Variants in PEMT observed in about 807,000 individuals in gnomAD.
PEMT encodes the protein phosphatidylethanolamine N-methyltransferase.
Under a neutral mutation model 27.4 loss-of-function variants are expected in PEMT, and 23 were observed. That is an observed-to-expected ratio of 0.84 (90% CI 0.60 to 1.19). The LOEUF (loss-of-function observed/expected upper bound fraction) is 1.19, where lower values mean the gene tolerates loss of function less well. PEMT is among the 50% of genes most tolerant of loss of function. The pLI is 0.00. For synonymous variants in PEMT, 137 were observed against 139.1 expected (o/e 0.98, Z 0.11); for missense variants, 307 against 310.1 (o/e 0.99, Z 0.07).
chr17:17,563,939 G>A (rs1910657948), intron 2 of PEMT, among the ~76,000 whole-genome samples: 1 of 152,206 alleles, frequency 6.6e-6, no homozygotes, highest in Non-Finnish European at 1.5e-5. Context: ...CAGGGCTTGT[G>A]AGGCCCTCAC....
intron 1 of PEMT, among the ~76,000 whole-genome samples, chr17:17,581,016 G>A (rs577529457): frequency 6.6e-6 from 1 of 152,322 alleles, no homozygotes; most frequent in Admixed American, 6.5e-5. Flanking sequence ...TAGGGGAAAG[G>A]GGAAAGCAGG....
At chr17:17,556,604 C>T (rs1182567274) in intron 2 of PEMT, among the ~76,000 whole-genome samples, 2 of 151,980 alleles carry the variant, frequency 1.3e-5, no homozygotes, top group Non-Finnish European at 2.9e-5. Context: ...AAACTCCTGA[C>T]CTCAGATGAT....
chr17:17,577,242 T>C (rs551754852), intron 1 of PEMT, among the ~76,000 whole-genome samples: 25 of 152,184 alleles, frequency 1.6e-4, no homozygotes, highest in African/African-American at 5.8e-4. Flanking sequence ...GCCGCAGAAA[T>C]GTGCCTGGAT....
At chr17:17,550,106 C>T (rs1567712727) in intron 2 of PEMT, among the ~76,000 whole-genome samples, 1 of 152,202 alleles carries the variant, frequency 6.6e-6, no homozygotes, top group Non-Finnish European at 1.5e-5. Context: ...CAGAGACTCT[C>T]TCTCCTCGCC....
At chr17:17,550,392 C>T (rs368499740) in intron 2 of PEMT, among the ~76,000 whole-genome samples, 12 of 152,256 alleles carry the variant, frequency 7.9e-5, no homozygotes, top group South Asian at 4.2e-4. Context: ...ACAGCTGGGA[C>T]GGAATTTGGG....
intron 3 of PEMT, among the ~76,000 whole-genome samples, chr17:17,514,107 A>C (rs141390328): frequency 6.6e-6 from 1 of 152,146 alleles, no homozygotes; most frequent in East Asian, 1.9e-4. Flanking sequence ...CCATCCATCC[A>C]CCATGAAGTA....
chr17:17,544,939 G>A (rs1909144992), intron 2 of PEMT, among the ~76,000 whole-genome samples: 1 of 152,218 alleles, frequency 6.6e-6, no homozygotes, highest in Non-Finnish European at 1.5e-5. Flanking sequence ...TGGAAGGAAG[G>A]AGAAAGGAGG....
intron 2 of PEMT, among the ~76,000 whole-genome samples, chr17:17,543,842 C>T (rs943062956): frequency 6.6e-6 from 1 of 152,164 alleles, no homozygotes; most frequent in Non-Finnish European, 1.5e-5. Flanking sequence ...GGATTACGGG[C>T]GTGAGCCACG....
intron 2 of PEMT, among the ~76,000 whole-genome samples, chr17:17,531,622 A>C (rs5819617): frequency 7.2e-5 from 2 of 27,798 alleles, no homozygotes; most frequent in East Asian, 5.5e-4. Flanking sequence ...TATCATATGC[A>C]AAAAAAAAAA....
At chr17:17,528,009 T>G (rs1180721323) in intron 2 of PEMT, among the ~76,000 whole-genome samples, 1 of 152,240 alleles carries the variant, frequency 6.6e-6, no homozygotes, top group Admixed American at 6.5e-5. Flanking sequence ...CCTAGGCACC[T>G]GGGGGTCTAG....
chr17:17,577,119 C>G, intron 1 of PEMT, 92 bp from the exon 2 acceptor site: 1 of 899,078 alleles, frequency 1.1e-6, no homozygotes, highest in Non-Finnish European at 1.8e-6. Flanking sequence ...TCTGGGAACA[C>G]ACTGGGAGGC....
At position 17,544,335 on chromosome 17, in the gene PEMT, C is replaced by T. The variant is rs540013170; in HGVS notation, c.205-21940G>A. On this transcript the variant is annotated intron_variant, in intron 2 of 6. Coordinates refer to ENST00000255389, the MANE Select transcript of PEMT (RefSeq NM_148172.3). ...TGCTCTTGTCGCCCAGGCTGGAGTG[C>T]AATGGTGTGATCTCGGCTCACTGCA... Among the ~76,000 whole-genome samples the T allele has an allele frequency of 4.6e-5, 7 of 150,836 alleles. No homozygotes were observed. In the South Asian group the frequency reaches 1.5e-3, roughly 32 times the overall value.
chr17:17,512,097 G>A lies in PEMT; in HGVS notation c.466+412C>T, dbSNP rs556784260. 1.3e-5 allele frequency among the ~76,000 whole-genome samples: 2 copies of A among 152,182 alleles called. No individual in the cohort carries two copies. Among genetic ancestry groups the A allele is most frequent in the East Asian group, 3.8e-4 (2 of 5,196 alleles). ...CTGAGAGCCACGCGTGCCGGGAGCT[G>A]CCAGAGAGGTGGCTGACTCACCACC... On this transcript the variant is annotated intron_variant, in intron 4 of 6. Transcript: ENST00000255389. The surrounding 1 kb of genome is among the most constrained non-coding windows in gnomAD (Gnocchi z 6.3).
intron 2 of PEMT, among the ~76,000 whole-genome samples, chr17:17,532,736 A>G (rs1345990725): frequency 6.6e-6 from 1 of 152,224 alleles, no homozygotes; most frequent in Admixed American, 6.5e-5. Context: ...CAAAAAACAA[A>G]AAACAAAAAG....
intron 1 of PEMT, among the ~76,000 whole-genome samples, chr17:17,586,253 AAAG>A (rs1464043298): frequency 8.8e-6 from 1 of 113,160 alleles, no homozygotes; most frequent in African/African-American, 4.0e-5. Context: ...AGAAAGAAAG[AAAG>A]AAAGAAAGAA....
At chr17:17,559,521 C>A (rs778503911) in intron 2 of PEMT, among the ~76,000 whole-genome samples, 1 of 152,224 alleles carries the variant, frequency 6.6e-6, no homozygotes, top group African/African-American at 2.4e-5. Flanking sequence ...GGGTCAGAGG[C>A]AGTCCAGCAC....
intron 2 of PEMT, among the ~76,000 whole-genome samples, chr17:17,535,867 A>T (rs1364105454): frequency 1.3e-5 from 2 of 152,228 alleles, no homozygotes. Context: ...AGGCAAATCC[A>T]GGCTTCACTG....
intron 2 of PEMT, among the ~76,000 whole-genome samples, chr17:17,576,335 A>C (rs1911586179): frequency 6.6e-6 from 1 of 152,130 alleles, no homozygotes. Context: ...GGGCACCCAA[A>C]CATCCCCTGG....
At chr17:17,527,581 A>C (rs912077832) in intron 2 of PEMT, among the ~76,000 whole-genome samples, 40 of 152,140 alleles carry the variant, frequency 2.6e-4, no homozygotes, top group African/African-American at 9.2e-4. Flanking sequence ...TGCGTCACAG[A>C]GCTGCTGTGC....
Sources: gnomAD v4.1 joint callset for allele counts (sites outside exome capture counted in the v4.1 genomes callset) on GRCh38, gnomAD v4.1.1 for gene constraint, Gnocchi (gnomAD v3.1) non-coding constraint, MANE v1.5 for transcripts, NCBI Gene and HGNC (gene_info 2026-07-23, HGNC 2026-07-21) for gene names.